Variants in LRCH3 observed in about 807,000 individuals in gnomAD.
The protein encoded by LRCH3 is DISP complex protein LRCH3.
In LRCH3, 68 loss-of-function variants were observed where a neutral mutation model predicts 104.5. That is an observed-to-expected ratio of 0.65 (90% CI 0.54 to 0.80). LRCH3 has a LOEUF of 0.80. LRCH3 is among the 30% of genes least tolerant of loss of function. LRCH3 has a pLI of 0.00. For missense variants in LRCH3, 951 were observed against 953.9 expected (o/e 1.00, Z 0.04); for synonymous variants, 344 against 361.3 (o/e 0.95, Z 0.54).
chr3:197,837,725 A>G lies in LRCH3; in HGVS notation c.1252-1596A>G, dbSNP rs569189303. ...CATGAAAATTTCGTGTGCCTCTTAG[A>G]ATAATTTTAGATAATTGCAGTATCA... On this transcript the variant is annotated intron_variant, in intron 9 of 20. Transcript: ENST00000425562. Among the ~76,000 whole-genome samples the G allele has an allele frequency of 9.9e-5, 15 of 152,202 alleles. No individual in the cohort carries two copies. The South Asian group carries it at 3.1e-3, about 32-fold the overall frequency.
chr3:197,874,154 C>T (rs935748253), intron 19 of LRCH3, among the ~76,000 whole-genome samples: 1 of 152,128 alleles, frequency 6.6e-6, no homozygotes, highest in African/African-American at 2.4e-5. Context: ...GTCCCCAACC[C>T]CTGGGCCACA....
intron 10 of LRCH3, 72 bp from the exon 11 acceptor site, chr3:197,847,337 A>G: frequency 7.3e-7 from 1 of 1,373,950 alleles, no homozygotes. Context: ...TAAAAATTTC[A>G]TTTGTTTTTT....
intron 9 of LRCH3, among the ~76,000 whole-genome samples, chr3:197,837,921 G>C (rs1381302424): frequency 6.6e-6 from 1 of 151,928 alleles, no homozygotes; most frequent in Non-Finnish European, 1.5e-5. Context: ...TTAGCTGGGT[G>C]TCATGGCAGG....
intron 7 of LRCH3, 142 bp from the exon 8 acceptor site, chr3:197,832,055 A>C: frequency 1.4e-6 from 1 of 704,190 alleles, no homozygotes; most frequent in Non-Finnish European, 2.2e-6. Flanking sequence ...TTAGGATTAC[A>C]GGCATGTGTG....
Position 197,832,256 on chromosome 3 carries a change from A to T in LRCH3, c.1041A>T (p.Arg347Ser). The T allele has an allele frequency of 6.2e-7, 1 of 1,613,940 alleles. No homozygotes were observed. The highest frequency in any genetic ancestry group is 8.5e-7 in the Non-Finnish European group (1 of 1,179,846). Reference protein sequence around the residue: ...LRVAEITKEQRLRRESQYQEN... With the variant: ...LRVAEITKEQSLRRESQYQEN... ...TAGCAGAGATTACTAAAGAACAAAG[A>T]CTACGAAGAGAAAGCCAGTACCAAG... Residue 347 changes from arginine to serine, a missense_variant, in exon 8 of 21, where the codon AGA becomes AGT. Coordinates refer to ENST00000425562, the MANE Select transcript of LRCH3 (RefSeq NM_001365715.1).
chr3:197,869,759 G>C (rs1711874668), intron 17 of LRCH3, among the ~76,000 whole-genome samples: 1 of 130,006 alleles, frequency 7.7e-6, no homozygotes, highest in Non-Finnish European at 1.6e-5. Flanking sequence ...GAGGTAGAAA[G>C]CGATGCACTG....
Position 197,880,152 on chromosome 3 carries a change from A to G in LRCH3, c.2209-3389A>G, listed in dbSNP as rs968503680. 7.9e-5 allele frequency among the ~76,000 whole-genome samples: 12 copies of G among 151,336 alleles called. No individual in the cohort carries two copies. The East Asian group carries it at 2.1e-3, about 27-fold the overall frequency. ...AGTAAAGACGGGGTTTCACCGTGTT[A>G]GCCGGGATGGTCTCGATCTCCTGAC... On this transcript the variant is annotated intron_variant, in intron 20 of 20. Transcript: ENST00000425562.
rs564065911 is a variant in LRCH3, at chr3:197,881,046, T to C, written c.2209-2495T>C. Reference sequence around the variant, plus strand: ...GAACTTGTACTTCGAATATGACATGTAGAGCTTTATTTCCAAGTCACACAA... The same window carrying C: ...GAACTTGTACTTCGAATATGACATGCAGAGCTTTATTTCCAAGTCACACAA... On this transcript the variant is annotated intron_variant, in intron 20 of 20. Transcript: ENST00000425562. 11 of 1,142,554 alleles carry C rather than the reference T, an allele frequency of 9.6e-6. No homozygotes were observed. The South Asian group carries it at 2.6e-4, about 27-fold the overall frequency. 70.8% of individuals were successfully genotyped at this position (1,142,554 alleles called of 1,614,324 possible). A position where few individuals can be genotyped will look rare whatever the true frequency, so the allele number is the denominator to read the frequency against.
At position 197,820,560 on chromosome 3, in the gene LRCH3, C is replaced by T. The variant is rs1372876256; in HGVS notation, c.640+130C>T. 6.3e-6 allele frequency: 4 copies of T among 636,654 alleles called. No individual in the cohort carries two copies. In the East Asian group the frequency reaches 8.5e-5, roughly 14 times the overall value. 39.4% of individuals were successfully genotyped at this position (636,654 alleles called of 1,614,324 possible). A position where few individuals can be genotyped will look rare whatever the true frequency, so the allele number is the denominator to read the frequency against. ...GCGCTGTGGCTCCTGCCTGTAATGC[C>T]AACACTTTGGGAGGCCGATGAGGGA... On this transcript the variant is annotated intron_variant, in intron 4 of 20. Transcript: ENST00000425562.
rs562930357 is a variant in LRCH3 at position 197,842,999 on chromosome 3, C to T, written c.1328+3602C>T. The stretch of plus-strand genomic sequence containing the variant: ...ACTTGGGAGGCTGCGGCAGGAGAAT[C>T]GCTTGAACCCTGGAGGTGGAGGTTG... On this transcript the variant is annotated intron_variant, in intron 10 of 20. Coordinates refer to ENST00000425562, the MANE Select transcript of LRCH3 (RefSeq NM_001365715.1). Among the ~76,000 whole-genome samples, 16 of 150,544 alleles carry T rather than the reference C, an allele frequency of 1.1e-4. 1 individual carries two copies. Among genetic ancestry groups the T allele is most frequent in the African/African-American group, 3.4e-4 (14 of 40,958 alleles).
intron 1 of LRCH3, among the ~76,000 whole-genome samples, chr3:197,813,315 T>G (rs1449095563): frequency 6.8e-6 from 1 of 147,910 alleles, no homozygotes; most frequent in Middle Eastern, 3.2e-3. Flanking sequence ...GAGAAAACAG[T>G]GGTAAGCAAA....
intron 1 of LRCH3, 32 bp from the exon 2 acceptor site, chr3:197,814,876 T>G (rs1181931219): frequency 6.5e-7 from 1 of 1,544,798 alleles, no homozygotes; most frequent in Admixed American, 2.1e-5. Context: ...TTCCAAGGAC[T>G]GATTTTAAAC....
At chr3:197,813,692 G>A (rs1733489932) in intron 1 of LRCH3, among the ~76,000 whole-genome samples, 1 of 151,534 alleles carries the variant, frequency 6.6e-6, no homozygotes, top group Non-Finnish European at 1.5e-5. Flanking sequence ...CACCATGCCC[G>A]GCTAACTTTT....
Position 197,866,207 on chromosome 3 carries a change from G to C in LRCH3, c.1861G>C (p.Glu621Gln). 1 of 1,613,526 alleles carries C rather than the reference G, an allele frequency of 6.2e-7. No individual in the cohort carries two copies. The highest frequency in any genetic ancestry group is 8.5e-7 in the Non-Finnish European group (1 of 1,179,466). Reference sequence around the variant, plus strand: ...CCTTTTCCGAGCAGGTGTCAGGGCAGAAACCAACAAAGGTAGGTGGTGGTG... The same window carrying C: ...CCTTTTCCGAGCAGGTGTCAGGGCACAAACCAACAAAGGTAGGTGGTGGTG... ...SFLFRAGVRA[E>Q]TNKGHASPLP... The change falls in exon 17 of 21, where the codon GAA becomes CAA. Residue 621 changes from glutamate (E) to glutamine (Q), a missense_variant. By Grantham distance (29) the Glu-to-Gln change is conservative. Coordinates refer to ENST00000425562, the MANE Select transcript of LRCH3 (RefSeq NM_001365715.1).
chr3:197,835,001 G>A (rs891314098), intron 8 of LRCH3, among the ~76,000 whole-genome samples: 7 of 151,892 alleles, frequency 4.6e-5, no homozygotes, highest in South Asian at 2.1e-4. Context: ...AAAGTTAGCC[G>A]GGCGTGGTGG....
At chr3:197,839,521 G>A (rs995553974) in intron 10 of LRCH3, 124 bp downstream of exon 10, 155 of 549,044 alleles carry the variant, frequency 2.8e-4, no homozygotes, top group South Asian at 3.9e-4. Flanking sequence ...AGAACTGAGC[G>A]ACGGTGTGCT....
chr3:197,831,316 A>T (rs1409352855), intron 7 of LRCH3: 1 of 153,254 alleles, frequency 6.5e-6, no homozygotes, highest in Non-Finnish European at 1.5e-5. Flanking sequence ...TATTGATATT[A>T]TGTTTTCTGC....
At chr3:197,812,504 G>GTTTTTTTTTTTTTTT (rs71623380) in intron 1 of LRCH3, among the ~76,000 whole-genome samples, 559 of 48,974 alleles carry the variant, frequency 0.011, 221 homozygotes, top group Admixed American at 0.028. Context: ...TCTGCTTTCA[G>GTTTTTTTTTTTTTTT]TTTTTTTTTT....
chr3:197,834,625 C>T (rs141356670), intron 8 of LRCH3, among the ~76,000 whole-genome samples: 295 of 152,232 alleles, frequency 1.9e-3, no homozygotes, highest in South Asian at 6.4e-3. Flanking sequence ...AAGCCCCAGA[C>T]CTAAAACACG....
Sources: gnomAD v4.1 joint callset for allele counts (sites outside exome capture counted in the v4.1 genomes callset) on GRCh38, gnomAD v4.1.1 for gene constraint, MANE v1.5 for transcripts, NCBI Gene and HGNC (gene_info 2026-07-23, HGNC 2026-07-21) for gene names.